SUGCT: variants seen among roughly 807,000 people sequenced by gnomAD.
The protein encoded by SUGCT is succinyl-CoA:glutarate-CoA transferase, also known as succinyl-CoA:glutarate CoA-transferase.
SUGCT carries 41 observed loss-of-function variants against 55.0 expected under a neutral mutation model. That is an observed-to-expected ratio of 0.74 (90% CI 0.58 to 0.97). The LOEUF is 0.97. Ranked by LOEUF, SUGCT falls within the 50% of genes least tolerant of loss-of-function variation. The pLI is 0.00. For missense variants in SUGCT, 568 were observed against 547.8 expected, an observed-to-expected ratio of 1.04 and a Z score of -0.37; for synonymous variants, 187 against 200.4, an observed-to-expected ratio of 0.93 and a Z score of 0.56.
At chr7:40,257,388 G>A (rs570360591) in intron 7 of SUGCT, among the ~76,000 whole-genome samples, 1 of 152,056 alleles carries the variant, frequency 6.6e-6, no homozygotes, top group African/African-American at 2.4e-5. Flanking sequence ...TCTATATATG[G>A]CACTGGTACG....
chr7:41,030,130 C>T, the SUGCT span, among the ~76,000 whole-genome samples: 3 of 152,216 alleles, frequency 2.0e-5, no homozygotes, highest in Non-Finnish European at 2.9e-5. Flanking sequence ...ATTGTATACA[C>T]GTGCCACAGT....
chr7:40,822,448 C>T (rs1226484592), intron 13 of SUGCT, among the ~76,000 whole-genome samples: 2 of 152,068 alleles, frequency 1.3e-5, no homozygotes, highest in Admixed American at 1.3e-4. Flanking sequence ...CTGGGTGCTC[C>T]TGTGTTGGGT....
the SUGCT span, among the ~76,000 whole-genome samples, chr7:40,951,784 G>A: frequency 6.6e-6 from 1 of 152,104 alleles, no homozygotes; most frequent in African/African-American, 2.4e-5. Flanking sequence ...TCTTAACCCT[G>A]AGTTCTAGTT....
the SUGCT span, among the ~76,000 whole-genome samples, chr7:41,008,455 A>G: frequency 6.6e-6 from 1 of 152,124 alleles, no homozygotes; most frequent in East Asian, 1.9e-4. Context: ...TCCTCTCAGC[A>G]CAGAAGAAAA....
chr7:40,293,527 T>G (rs2151058025), intron 8 of SUGCT, among the ~76,000 whole-genome samples: 1 of 152,332 alleles, frequency 6.6e-6, no homozygotes, highest in South Asian at 2.1e-4. Flanking sequence ...GAACTTATGA[T>G]GTATAAAAGT....
chr7:40,399,519 G>A (rs1785945808), intron 9 of SUGCT, among the ~76,000 whole-genome samples: 1 of 152,128 alleles, frequency 6.6e-6, no homozygotes, highest in Non-Finnish European at 1.5e-5. Flanking sequence ...TTCTAATAGG[G>A]TAGGGTGGTC....
chr7:40,465,784 T>A (rs1323796316), intron 11 of SUGCT, among the ~76,000 whole-genome samples: 1 of 152,136 alleles, frequency 6.6e-6, no homozygotes, highest in Non-Finnish European at 1.5e-5. Context: ...TGAATGTCAA[T>A]GTAAAAAACT....
chr7:40,462,258 C>A (rs187044378), intron 11 of SUGCT, among the ~76,000 whole-genome samples: 11 of 152,196 alleles, frequency 7.2e-5, no homozygotes, highest in African/African-American at 2.6e-4. Context: ...GGCTGGCAGG[C>A]ATCTGGGAGA....
At chr7:40,727,618 A>G (rs1786675011) in intron 12 of SUGCT, among the ~76,000 whole-genome samples, 1 of 152,204 alleles carries the variant, frequency 6.6e-6, no homozygotes, top group Admixed American at 6.5e-5. Flanking sequence ...ATTAGAACTG[A>G]GTTTTTCAAA....
intron 11 of SUGCT, among the ~76,000 whole-genome samples, chr7:40,470,157 A>G (rs1347582073): frequency 2.0e-5 from 3 of 152,024 alleles, no homozygotes; most frequent in Non-Finnish European, 4.4e-5. Context: ...GACTTTGGAA[A>G]TGGATGGAGA....
chr7:40,259,338 C>T (rs1168006509), intron 7 of SUGCT, among the ~76,000 whole-genome samples: 6 of 152,148 alleles, frequency 3.9e-5, no homozygotes, highest in African/African-American at 1.4e-4. Context: ...CAATCAAATG[C>T]AGCTTGAGGG....
Position 40,377,190 on chromosome 7 carries a change from CTTTCTTTCTTTTCT to C in SUGCT, c.816+60343_816+60356del, listed in dbSNP as rs1562728518. ...TCTTTCTTTCTTTCTTTCTTTCTTT[CTTTCTTTCTTTTCT>C]TTTCTTTTCTTTCTTTTCTTTCTTT... On this transcript the variant is annotated intron_variant, in intron 9 of 13. Coordinates refer to ENST00000335693, the MANE Select transcript of SUGCT (RefSeq NM_001193313.2). 1.1e-3 allele frequency among the ~76,000 whole-genome samples: 11 copies of C among 9,988 alleles called. 3 individuals are homozygous for C. Among genetic ancestry groups the C allele is most frequent in the African/African-American group, 1.3e-3 (11 of 8,612 alleles). 6.6% of individuals were successfully genotyped at this position (9,988 alleles called of 152,430 possible).
At chr7:40,782,380 T>C (rs1789798001) in intron 13 of SUGCT, among the ~76,000 whole-genome samples, 2 of 152,298 alleles carry the variant, frequency 1.3e-5, no homozygotes, top group African/African-American at 4.8e-5. Context: ...TCCTTTGTTT[T>C]CTTTCTTTTC....
In SUGCT at chr7:40,159,766, A is replaced by T. The variant is rs536686889; in HGVS notation, c.101-21181A>T. 8.5e-5 allele frequency among the ~76,000 whole-genome samples: 13 copies of T among 152,294 alleles called. No individual in the cohort carries two copies. In the South Asian group the frequency reaches 2.5e-3, roughly 29 times the overall value. On this transcript the variant is annotated intron_variant, in intron 1 of 13. Transcript: ENST00000335693. ...AACTTTGGCTTCTGAGGCTGCTGTG[A>T]TGCCTACATTTTGGGTGTGGCTTCT... is the stretch of plus-strand genomic sequence containing the variant.
chr7:40,460,916 T>TC (rs1216550275), intron 11 of SUGCT, among the ~76,000 whole-genome samples: 1 of 152,134 alleles, frequency 6.6e-6, no homozygotes, highest in African/African-American at 2.4e-5. Context: ...GCGTGGGTAG[T>TC]CCTAGGAGAG....
At chr7:40,153,127 T>TA (rs982180467) in intron 1 of SUGCT, 13 of 201,410 alleles carry the variant, frequency 6.5e-5, no homozygotes, top group South Asian at 1.6e-4. Flanking sequence ...AAAGAGATGT[T>TA]AAAAAAAAGA....
At chr7:40,574,185 T>G (rs1320854939) in intron 12 of SUGCT, among the ~76,000 whole-genome samples, 2 of 152,178 alleles carry the variant, frequency 1.3e-5, no homozygotes, top group Non-Finnish European at 2.9e-5. Context: ...TCTTGGCAGC[T>G]GCTCCTCTCT....
At chr7:40,264,844 C>T (rs1393609271) in intron 7 of SUGCT, among the ~76,000 whole-genome samples, 1 of 152,172 alleles carries the variant, frequency 6.6e-6, no homozygotes, top group Admixed American at 6.5e-5. Context: ...CGTCTCTCTG[C>T]CCTGCACTAT....
At chr7:40,799,642 A>G (rs1160337663) in intron 13 of SUGCT, among the ~76,000 whole-genome samples, 1 of 152,212 alleles carries the variant, frequency 6.6e-6, no homozygotes, top group African/African-American at 2.4e-5. Flanking sequence ...TCAAAGAGGA[A>G]AAAAGAAAAA....
Sources: gnomAD v4.1 joint callset for allele counts (sites outside exome capture counted in the v4.1 genomes callset) on GRCh38, gnomAD v4.1.1 for gene constraint, MANE v1.5 for transcripts, NCBI Gene and HGNC (gene_info 2026-07-23, HGNC 2026-07-21) for gene names.